The following IMPA2 variants were observed in gnomAD, a reference collection of about 807,000 sequenced individuals.
The protein encoded by IMPA2 is IMP 2.
IMPA2 carries 32 observed loss-of-function variants against 35.1 expected under a neutral mutation model. That is an observed-to-expected ratio of 0.91 (90% confidence interval 0.69 to 1.23). The LOEUF (loss-of-function observed/expected upper bound fraction) is 1.23, where lower values mean the gene tolerates loss of function less well. IMPA2 is among the 50% of genes most tolerant of loss of function. IMPA2 has a pLI of 0.00. For missense variants in IMPA2, 334 were observed against 387.6 expected, an observed-to-expected ratio of 0.86 and a Z score of 1.16; for synonymous variants, 135 against 160.6, an observed-to-expected ratio of 0.84 and a Z score of 1.20.
intron 5 of IMPA2, among the ~76,000 whole-genome samples, chr18:12,016,528 T>C (rs1341056746): frequency 6.6e-6 from 1 of 151,802 alleles, no homozygotes; most frequent in East Asian, 1.9e-4. Context: ...TGGGTTCAAG[T>C]GATTCTTCTG....
In IMPA2 at chr18:12,010,693, G is replaced by C. The variant is rs1208429815; in HGVS notation, c.335+706G>C. On this transcript the variant is annotated intron_variant, in intron 3 of 7. Transcript: ENST00000269159. The surrounding 1 kb of genome is among the most constrained non-coding windows in gnomAD (Gnocchi z 4.8). ...ACCCTGGAGAGATTCCCATTCCATG[G>C]GCGGGTGGCTTGCAGCTCCTGCGCT... Among the ~76,000 whole-genome samples, 1 of 152,170 alleles carries C rather than the reference G, an allele frequency of 6.6e-6. No homozygotes were observed. Among genetic ancestry groups the C allele is most frequent in the Admixed American group, 6.5e-5 (1 of 15,276 alleles).
At chr18:12,019,929 G>A (rs1907682704) in intron 5 of IMPA2, among the ~76,000 whole-genome samples, 1 of 152,172 alleles carries the variant, frequency 6.6e-6, no homozygotes. Flanking sequence ...AGTCCGGAGT[G>A]TAGTGGCACA....
chr18:11,987,194 G>A (rs901892334), intron 1 of IMPA2, among the ~76,000 whole-genome samples: 1 of 152,218 alleles, frequency 6.6e-6, no homozygotes, highest in Non-Finnish European at 1.5e-5. Flanking sequence ...TAGGTCTGGA[G>A]TGGGCACCAG....
At chr18:11,990,549 G>A (rs987879858) in intron 1 of IMPA2, among the ~76,000 whole-genome samples, 1 of 152,202 alleles carries the variant, frequency 6.6e-6, no homozygotes, top group East Asian at 1.9e-4. Context: ...GCCCCGTGTG[G>A]AGGGCAGAAT....
At chr18:11,992,904 T>C (rs1325724541) in intron 1 of IMPA2, among the ~76,000 whole-genome samples, 1 of 152,236 alleles carries the variant, frequency 6.6e-6, no homozygotes, top group Non-Finnish European at 1.5e-5. Context: ...GCACTTTTCC[T>C]CACTTTTTCT....
At chr18:11,984,987 A>T (rs74648811) in intron 1 of IMPA2, among the ~76,000 whole-genome samples, 14,158 of 140,674 alleles carry the variant, frequency 0.1, 920 homozygotes, top group East Asian at 0.29. Context: ...AAAAAAAAAC[A>T]ACAAAAATCA....
At chr18:11,993,771 C>T (rs1049590537) in intron 1 of IMPA2, among the ~76,000 whole-genome samples, 1 of 152,210 alleles carries the variant, frequency 6.6e-6, no homozygotes, top group South Asian at 2.1e-4. Context: ...GATGTCATTG[C>T]AGGCACAAGG....
chr18:12,009,794 C>G (rs1052646003), intron 2 of IMPA2, 89 bp from the exon 3 acceptor site: 2 of 925,074 alleles, frequency 2.2e-6, no homozygotes, highest in Non-Finnish European at 3.6e-6. Context: ...TGCTGTGCCA[C>G]CTTTTTCTTT....
At chr18:12,028,720 G>T in intron 6 of IMPA2, 122 bp from the exon 7 acceptor site, 1 of 1,143,544 alleles carries the variant, frequency 8.7e-7, no homozygotes, top group African/African-American at 1.6e-5. Context: ...TTTGGCAGAA[G>T]TGCTGTGCTT....
chr18:12,017,721 TG>T, intron 5 of IMPA2: 1 of 346,600 alleles, frequency 2.9e-6, no homozygotes, highest in Non-Finnish European at 5.6e-6. Flanking sequence ...CCTGAGTAGC[TG>T]GGACTACAGG....
chr18:12,028,976 T>C lies in IMPA2; in HGVS notation c.734T>C (p.Ile245Thr), dbSNP rs1195722919. 6.2e-7 allele frequency: 1 copy of C among 1,613,732 alleles called. No individual in the cohort carries two copies. The change falls in exon 7 of 8, where the codon ATC becomes ACC. Residue 245 changes from isoleucine to threonine, a missense_variant. Physicochemically the swap from Ile to Thr is moderately conservative, Grantham distance 89 (BLOSUM62 -1). Coordinates refer to ENST00000269159, the MANE Select transcript of IMPA2 (RefSeq NM_014214.3). ...ATVIIREAGGIVIDTSGGPLD... is the reference protein window; with the variant it reads ...ATVIIREAGGTVIDTSGGPLD... ...GTCATCATCAGAGAAGCAGGCGGCA[T>C]CGTGATAGACACTTCGGGTGAGCTC...
intron 2 of IMPA2, among the ~76,000 whole-genome samples, chr18:12,005,827 A>G (rs12458016): frequency 0.14 from 21,941 of 152,166 alleles, 1,830 homozygotes; most frequent in African/African-American, 0.22. Context: ...GCTCACTGGC[A>G]GTTTTCTTTC....
rs1258956789 is a variant in IMPA2 at position 11,981,712 on chromosome 18, C to G, written c.43C>G (p.Pro15Ala). 3 of 1,230,138 alleles carry G rather than the reference C, an allele frequency of 2.4e-6. No homozygotes were observed. Among genetic ancestry groups the G allele is most frequent in the Non-Finnish European group, 3.0e-6 (3 of 986,884 alleles). The allele number at this position is 1,230,138 out of a possible 1,614,324, so 76.2% of individuals were successfully genotyped here. A position where few individuals can be genotyped will look rare whatever the true frequency, so the allele number is the denominator to read the frequency against. ...GGACCAGGCGGCGCTGGCGGCCGGC[C>G]CCTGGGAGGAGTGCTTCCAGGCGGC... ...GEDQAALAAG[P>A]WEECFQAAVQ... Residue 15 changes from proline (P) to alanine (A), a missense_variant, in exon 1 of 8, where the codon CCC becomes GCC. Coordinates refer to ENST00000269159, the MANE Select transcript of IMPA2 (RefSeq NM_014214.3).
At chr18:12,025,576 G>A (rs1907859255) in intron 5 of IMPA2, among the ~76,000 whole-genome samples, 1 of 152,096 alleles carries the variant, frequency 6.6e-6, no homozygotes, top group Admixed American at 6.5e-5. Context: ...GATGTGTAGA[G>A]GTGTCTCGTT....
intron 1 of IMPA2, among the ~76,000 whole-genome samples, chr18:11,998,538 G>A (rs561587173): frequency 6.6e-5 from 10 of 152,322 alleles, no homozygotes; most frequent in African/African-American, 2.2e-4. Flanking sequence ...AATCAGATTC[G>A]AGGGCATATC....
At chr18:11,997,177 C>A (rs1221097295) in intron 1 of IMPA2, among the ~76,000 whole-genome samples, 1 of 152,228 alleles carries the variant, frequency 6.6e-6, no homozygotes, top group Non-Finnish European at 1.5e-5. Flanking sequence ...GTTGAGGGTC[C>A]TGGACCATGG....
intron 2 of IMPA2, among the ~76,000 whole-genome samples, chr18:12,007,670 TCTTTCTTTC>T (rs1555645775): frequency 0.016 from 1,535 of 97,932 alleles, 24 homozygotes; most frequent in African/African-American, 0.029. Flanking sequence ...TTTCTTTCTT[TCTTTCTTTC>T]CTTTCTTTCC....
intron 2 of IMPA2, among the ~76,000 whole-genome samples, chr18:12,001,986 G>A (rs1907128387): frequency 6.6e-6 from 1 of 152,194 alleles, no homozygotes; most frequent in South Asian, 2.1e-4. Context: ...GAAAGCAGCT[G>A]TTCTCTTCTC....
chr18:12,029,969 T>C (rs1157314006), intron 7 of IMPA2, among the ~76,000 whole-genome samples: 1 of 152,208 alleles, frequency 6.6e-6, no homozygotes, highest in Non-Finnish European at 1.5e-5. Context: ...AGCCTTGGTT[T>C]CACAAGCCCC....
Sources: allele counts gnomAD v4.1 joint callset (sites outside exome capture counted in the v4.1 genomes callset), GRCh38; gene constraint gnomAD v4.1.1; non-coding constraint Gnocchi (gnomAD v3.1); transcripts MANE v1.5; gene names NCBI Gene and HGNC (gene_info 2026-07-23, HGNC 2026-07-21).